The following MAPK9 variants were observed in gnomAD, a reference collection of about 807,000 sequenced individuals.
MAPK9 encodes the protein Jun kinase.
Under a neutral mutation model 57.1 loss-of-function variants are expected in MAPK9, and 30 were observed. The observed-to-expected ratio is 0.53, with a 90% CI of 0.39 to 0.71. MAPK9 has a LOEUF of 0.71. Among genes scored for constraint, MAPK9 ranks in the 30% least tolerant of loss-of-function variants. The pLI is 0.00. For synonymous variants in MAPK9, 155 were observed against 177.0 expected, an observed-to-expected ratio of 0.88 and a Z score of 0.99; for missense variants, 362 against 521.0, an observed-to-expected ratio of 0.69 and a Z score of 2.97.
intron 1 of MAPK9, among the ~76,000 whole-genome samples, chr5:180,284,813 C>CT (rs1762599537): frequency 6.6e-6 from 1 of 152,090 alleles, no homozygotes; most frequent in African/African-American, 2.4e-5. Context: ...AATGCAAGGA[C>CT]TTTATGTATC....
chr5:180,238,211 A>T (rs1757340067), intron 11 of MAPK9, 121 bp downstream of exon 11: 1 of 650,158 alleles, frequency 1.5e-6, no homozygotes, highest in South Asian at 1.7e-5. Flanking sequence ...CGGAGGTTGC[A>T]GTGAGCAGAG....
At chr5:180,257,423 T>A (rs1012343828) in intron 5 of MAPK9, among the ~76,000 whole-genome samples, 2 of 152,264 alleles carry the variant, frequency 1.3e-5, no homozygotes, top group African/African-American at 4.8e-5. Flanking sequence ...AGCAAAAAGA[T>A]GACCTCTTGC....
At chr5:180,267,084 TGAA>T (rs1207876130) in intron 3 of MAPK9, among the ~76,000 whole-genome samples, 1 of 152,192 alleles carries the variant, frequency 6.6e-6, no homozygotes, top group African/African-American at 2.4e-5. Flanking sequence ...AAAAGCAGGA[TGAA>T]GAATAACACG....
chr5:180,269,196 C>A, intron 3 of MAPK9, 84 bp downstream of exon 3: 1 of 1,394,360 alleles, frequency 7.2e-7, no homozygotes. Context: ...TAGGTCTGAA[C>A]TCAATGTATC....
intron 1 of MAPK9, among the ~76,000 whole-genome samples, chr5:180,288,355 T>A (rs76752307): frequency 6.6e-6 from 1 of 152,194 alleles, no homozygotes; most frequent in Middle Eastern, 3.4e-3. Flanking sequence ...AGACGTATCA[T>A]CCAATCAACA....
chr5:180,263,258 C>G (rs1056209163), intron 4 of MAPK9, among the ~76,000 whole-genome samples: 1 of 152,096 alleles, frequency 6.6e-6, no homozygotes, highest in Non-Finnish European at 1.5e-5. Flanking sequence ...CATCTATCAG[C>G]TAATACCATG....
At chr5:180,245,524 C>A (rs1017816525) in intron 7 of MAPK9, among the ~76,000 whole-genome samples, 1 of 152,130 alleles carries the variant, frequency 6.6e-6, no homozygotes, top group Non-Finnish European at 1.5e-5. Context: ...ACAGATTCCC[C>A]GAGAGGACTC....
At chr5:180,275,085 T>C (rs1158572786) in intron 2 of MAPK9, among the ~76,000 whole-genome samples, 1 of 152,222 alleles carries the variant, frequency 6.6e-6, no homozygotes, top group African/African-American at 2.4e-5. Flanking sequence ...TATTTAAAAA[T>C]GTGGATCTAA....
intron 11 of MAPK9, 76 bp downstream of exon 11, chr5:180,238,256 C>T (rs528555279): frequency 2.5e-5 from 30 of 1,187,598 alleles, no homozygotes; most frequent in African/African-American, 1.8e-4. Flanking sequence ...GGCGACAGAA[C>T]GAAACTCTGT....
At chr5:180,242,529 C>T in intron 8 of MAPK9, 44 bp downstream of exon 8, 2 of 1,536,802 alleles carry the variant, frequency 1.3e-6, no homozygotes, top group Admixed American at 1.8e-5. Context: ...GAAAGCACCA[C>T]CTGAATTACA....
chr5:180,236,644 A>G lies in MAPK9; in HGVS notation c.1133-118T>C, dbSNP rs1757196290. ...CTTTTGCAGTTTCCCAATCCTAACT[A>G]TGAGTATAGACAAGAAGTCAGTCAG... On this transcript the variant is annotated intron_variant, in intron 11 of 11. Transcript: ENST00000452135. 2.7e-6 allele frequency: 3 copies of G among 1,105,002 alleles called. 1 individual carries two copies. The Admixed American group carries it at 6.2e-5, about 23-fold the overall frequency. The allele number at this position is 1,105,002 out of a possible 1,614,324, so 68.4% of individuals were successfully genotyped here.
At chr5:180,287,004 T>C (rs1192013907) in intron 1 of MAPK9, 1 of 152,212 alleles carries the variant, frequency 6.6e-6, no homozygotes, top group East Asian at 1.9e-4. Context: ...AGGGGCAGGA[T>C]AGTCAACGAA....
At chr5:180,280,912 A>G (rs927415246) in intron 1 of MAPK9, among the ~76,000 whole-genome samples, 12 of 151,594 alleles carry the variant, frequency 7.9e-5, no homozygotes, top group Non-Finnish European at 1.3e-4. Context: ...AGACTACATC[A>G]CTCTGTGCGT....
chr5:180,285,114 G>A (rs1028326966), intron 1 of MAPK9, among the ~76,000 whole-genome samples: 1 of 152,214 alleles, frequency 6.6e-6, no homozygotes, highest in Non-Finnish European at 1.5e-5. Flanking sequence ...AGGCAGATAA[G>A]GCTAGAGGCA....
At chr5:180,266,410 G>A (rs916084448) in intron 3 of MAPK9, among the ~76,000 whole-genome samples, 6 of 151,886 alleles carry the variant, frequency 4.0e-5, no homozygotes, top group Non-Finnish European at 7.4e-5. Flanking sequence ...TGCTTCCTGG[G>A]TTCAAGTGAT....
chr5:180,244,844 C>G (rs569387312), intron 7 of MAPK9, among the ~76,000 whole-genome samples: 3 of 151,942 alleles, frequency 2.0e-5, no homozygotes, highest in Non-Finnish European at 4.4e-5. Context: ...TTCCCAGCCT[C>G]TCATTTTCTC....
intron 2 of MAPK9, among the ~76,000 whole-genome samples, chr5:180,277,408 C>T (rs929741555): frequency 3.9e-5 from 6 of 152,198 alleles, no homozygotes; most frequent in East Asian, 1.9e-4. Context: ...CTCCAAACTT[C>T]GCTCTGCCAT....
Position 180,247,102 on chromosome 5 carries a change from T to C in MAPK9, c.688+337A>G. 3.1e-6 allele frequency: 1 copy of C among 321,480 alleles called. No individual in the cohort carries two copies. Among genetic ancestry groups the C allele is most frequent in the Non-Finnish European group, 5.7e-6 (1 of 176,008 alleles). 19.9% of individuals were successfully genotyped at this position (321,480 alleles called of 1,614,324 possible). A position where few individuals can be genotyped will look rare whatever the true frequency, so the allele number is the denominator to read the frequency against. ...TAAATTAACGGAATAAACTAAATAA[T>C]ACAGTATTTTCATTTAAATATCAGA... On this transcript the variant is annotated intron_variant, in intron 7 of 11. Coordinates refer to ENST00000452135, the MANE Select transcript of MAPK9 (RefSeq NM_002752.5). This position sits in a 1 kb window ranked among gnomAD's most constrained non-coding sequence, Gnocchi z 4.5.
chr5:180,270,891 A>C (rs1252616544), intron 2 of MAPK9, among the ~76,000 whole-genome samples: 1 of 151,908 alleles, frequency 6.6e-6, no homozygotes, highest in Non-Finnish European at 1.5e-5. Context: ...AAAAAGAAAA[A>C]AAGAATTTGA....
Sources: gnomAD v4.1 joint callset for allele counts (sites outside exome capture counted in the v4.1 genomes callset) on GRCh38, gnomAD v4.1.1 for gene constraint, Gnocchi (gnomAD v3.1) non-coding constraint, MANE v1.5 for transcripts, NCBI Gene and HGNC (gene_info 2026-07-23, HGNC 2026-07-21) for gene names.